The following SLC9A9 variants were observed in gnomAD, a reference collection of about 807,000 sequenced individuals.
SLC9A9 encodes sodium/hydrogen exchanger 9.
In SLC9A9, 62 loss-of-function variants were observed where a neutral mutation model predicts 77.8. The ratio of observed to expected loss-of-function variants is 0.80; its 90% CI spans 0.65 to 0.98. The LOEUF (loss-of-function observed/expected upper bound fraction) is 0.98, where lower values mean the gene tolerates loss of function less well. SLC9A9 is among the 50% of genes least tolerant of loss of function. SLC9A9 has a pLI of 0.00. For synonymous variants in SLC9A9, 320 were observed against 283.5 expected, an observed-to-expected ratio of 1.13 and a Z score of -1.29; for missense variants, 775 against 774.9, an observed-to-expected ratio of 1.00 and a Z score of 0.00.
intron 14 of SLC9A9, among the ~76,000 whole-genome samples, chr3:143,319,884 G>T (rs1477416504): frequency 1.3e-5 from 2 of 152,192 alleles, no homozygotes; most frequent in African/African-American, 4.8e-5. Flanking sequence ...TTCCCATTTT[G>T]TGTTTCTATT....
chr3:143,768,598 G>A (rs538618225), intron 4 of SLC9A9, among the ~76,000 whole-genome samples: 4 of 152,196 alleles, frequency 2.6e-5, no homozygotes, highest in South Asian at 2.1e-4. Context: ...TCCTAATTAC[G>A]CATACAATAA....
intron 5 of SLC9A9, among the ~76,000 whole-genome samples, chr3:143,686,936 G>A (rs1424754244): frequency 6.6e-6 from 1 of 152,038 alleles, no homozygotes; most frequent in African/African-American, 2.4e-5. Context: ...AGAAGAGCTG[G>A]CTCATTCATT....
chr3:143,565,332 C>A (rs1279699832), intron 8 of SLC9A9, among the ~76,000 whole-genome samples: 2 of 152,154 alleles, frequency 1.3e-5, no homozygotes, highest in Non-Finnish European at 2.9e-5. Context: ...CATCTTCTGA[C>A]AATTTTCTAC....
At chr3:143,794,284 G>A (rs371667684) in intron 4 of SLC9A9, among the ~76,000 whole-genome samples, 2 of 151,934 alleles carry the variant, frequency 1.3e-5, no homozygotes, top group African/African-American at 4.8e-5. Context: ...TCAGATAATT[G>A]AAGACATCTG....
At chr3:143,571,667 T>C (rs1415575065) in intron 8 of SLC9A9, among the ~76,000 whole-genome samples, 2 of 152,130 alleles carry the variant, frequency 1.3e-5, no homozygotes, top group Non-Finnish European at 2.9e-5. Context: ...GTATAACTCA[T>C]CATGTTCCCC....
chr3:143,284,249 T>C (rs540038148), intron 14 of SLC9A9, among the ~76,000 whole-genome samples: 10 of 152,208 alleles, frequency 6.6e-5, no homozygotes, highest in Non-Finnish European at 1.5e-4. Context: ...GCTGGAAGTC[T>C]ATTCATTCTT....
intron 12 of SLC9A9, among the ~76,000 whole-genome samples, chr3:143,448,873 A>AT (rs34869268): frequency 0.059 from 523 of 8,806 alleles, 10 homozygotes; most frequent in East Asian, 0.44. Context: ...ATATTATATA[A>AT]TATGATATAT....
intron 12 of SLC9A9, among the ~76,000 whole-genome samples, chr3:143,425,242 T>G (rs2034381373): frequency 6.6e-6 from 1 of 150,678 alleles, no homozygotes; most frequent in Non-Finnish European, 1.5e-5. Context: ...TTAGTTTTGA[T>G]GTGGGGACCA....
chr3:143,845,605 G>T (rs979914566), intron 1 of SLC9A9, among the ~76,000 whole-genome samples: 4 of 152,184 alleles, frequency 2.6e-5, no homozygotes, highest in African/African-American at 4.8e-5. Context: ...TGGCTATTCA[G>T]TTTTGGAAAG....
chr3:143,353,201 C>A (rs1477379773), intron 14 of SLC9A9, among the ~76,000 whole-genome samples: 1 of 152,194 alleles, frequency 6.6e-6, no homozygotes, highest in African/African-American at 2.4e-5. Flanking sequence ...AGTGTGGCTT[C>A]CTGGCTTCTC....
chr3:143,527,202 T>C (rs532013391), intron 9 of SLC9A9, among the ~76,000 whole-genome samples: 1 of 152,344 alleles, frequency 6.6e-6, no homozygotes, highest in East Asian at 1.9e-4. Context: ...ATTTTTACCA[T>C]TTTTCACAGA....
chr3:143,768,136 G>T (rs1203060030), intron 4 of SLC9A9, among the ~76,000 whole-genome samples: 1 of 151,874 alleles, frequency 6.6e-6, no homozygotes, highest in Non-Finnish European at 1.5e-5. Flanking sequence ...GTCACACAGG[G>T]CTCACTGACT....
chr3:143,702,597 A>G (rs2108789947), intron 4 of SLC9A9, among the ~76,000 whole-genome samples: 1 of 152,252 alleles, frequency 6.6e-6, no homozygotes, highest in South Asian at 2.1e-4. Flanking sequence ...GCAAGAAATT[A>G]AAACATACCA....
chr3:143,401,278 A>C (rs537467400), intron 12 of SLC9A9, among the ~76,000 whole-genome samples: 1 of 152,180 alleles, frequency 6.6e-6, no homozygotes, highest in Non-Finnish European at 1.5e-5. Context: ...TACCCCACCC[A>C]GCTACCCTCT....
chr3:143,275,906 G>A (rs1938032930), intron 14 of SLC9A9, among the ~76,000 whole-genome samples: 1 of 152,162 alleles, frequency 6.6e-6, no homozygotes, highest in African/African-American at 2.4e-5. Flanking sequence ...CTAAGAGAAT[G>A]AGGCAGGATT....
intron 9 of SLC9A9, among the ~76,000 whole-genome samples, chr3:143,518,921 C>T (rs1459018646): frequency 6.6e-6 from 1 of 152,192 alleles, no homozygotes; most frequent in Non-Finnish European, 1.5e-5. Flanking sequence ...GGTGGAATTC[C>T]TGTGTCACAA....
chr3:143,543,507 T>C (rs986689979), intron 9 of SLC9A9, among the ~76,000 whole-genome samples: 2 of 152,198 alleles, frequency 1.3e-5, no homozygotes, highest in Admixed American at 1.3e-4. Context: ...GTGAGCATAG[T>C]ACACAGTAGT....
chr3:143,441,811 T>C (rs1328777446), intron 12 of SLC9A9, among the ~76,000 whole-genome samples: 1 of 151,020 alleles, frequency 6.6e-6, no homozygotes, highest in African/African-American at 2.4e-5. Context: ...AAATACCTTC[T>C]AGGCAGTGTG....
At chr3:143,711,174 G>T (rs1037036520) in intron 4 of SLC9A9, among the ~76,000 whole-genome samples, 7 of 152,126 alleles carry the variant, frequency 4.6e-5, no homozygotes, top group Non-Finnish European at 8.8e-5. Flanking sequence ...TTTAAATCTA[G>T]AACGGAGAGC....
Sources: allele counts gnomAD v4.1 joint callset (sites outside exome capture counted in the v4.1 genomes callset), GRCh38; gene constraint gnomAD v4.1.1; transcripts MANE v1.5; gene names NCBI Gene and HGNC (gene_info 2026-07-23, HGNC 2026-07-21).